FGGY: variants seen among roughly 807,000 people sequenced by gnomAD.
The protein encoded by FGGY is FGGY carbohydrate kinase domain containing, also known as FGGY carbohydrate kinase domain-containing protein.
A neutral mutation model predicts 71.3 loss-of-function variants in FGGY; 72 were observed. The ratio of observed to expected loss-of-function variants is 1.01; its 90% confidence interval spans 0.84 to 1.23. FGGY has a LOEUF of 1.23. FGGY is among the 50% of genes most tolerant of loss of function. The probability of loss-of-function intolerance (pLI) is 0.00; values close to 1 mark genes in which losing one functional copy is unlikely to be tolerated. For synonymous variants in FGGY, 251 were observed against 250.3 expected (o/e 1.00, Z -0.02); for missense variants, 668 against 682.3 (o/e 0.98, Z 0.23).
intron 11 of FGGY, among the ~76,000 whole-genome samples, chr1:59,644,624 C>A (rs547529562): frequency 6.6e-6 from 1 of 151,936 alleles, no homozygotes; most frequent in African/African-American, 2.4e-5. Context: ...CACGCCCCCC[C>A]CCACCCAAAG....
intron 2 of FGGY, among the ~76,000 whole-genome samples, chr1:59,338,180 A>G (rs537174107): frequency 1.3e-5 from 2 of 152,256 alleles, no homozygotes; most frequent in Admixed American, 6.5e-5. Context: ...CATTCCTGGG[A>G]TGACTCCACA....
rs187559773 is a variant in FGGY at position 59,591,815 on chromosome 1, C to A, written c.904-15988C>A. Reference sequence around the variant, plus strand: ...AAGATGGATTAAAGACTTAAACGTTCGACCTAAAACCATAAAAACCCTAGA... The same window carrying A: ...AAGATGGATTAAAGACTTAAACGTTAGACCTAAAACCATAAAAACCCTAGA... On this transcript the variant is annotated intron_variant, in intron 8 of 15. Transcript: ENST00000303721. 1.5e-3 allele frequency among the ~76,000 whole-genome samples: 223 copies of A among 152,148 alleles called. 3 individuals are homozygous for A. The highest frequency in any genetic ancestry group is 3.5e-3 in the African/African-American group (146 of 41,512).
At chr1:59,673,356 C>G (rs530981433) in intron 13 of FGGY, among the ~76,000 whole-genome samples, 1 of 152,120 alleles carries the variant, frequency 6.6e-6, no homozygotes, top group Admixed American at 6.5e-5. Context: ...GTGTTCCAGA[C>G]AGGGAACAGC....
At chr1:59,733,863 A>T in intron 14 of FGGY, among the ~76,000 whole-genome samples, 1 of 152,048 alleles carries the variant, frequency 6.6e-6, no homozygotes, top group East Asian at 1.9e-4. Context: ...TCTCTCCCTA[A>T]CACCCTCATC....
intron 8 of FGGY, among the ~76,000 whole-genome samples, chr1:59,562,497 C>G (rs1481279089): frequency 6.6e-6 from 1 of 152,150 alleles, no homozygotes; most frequent in Non-Finnish European, 1.5e-5. Flanking sequence ...CCTGACTTTG[C>G]CATGTTCCTG....
At chr1:59,745,516 G>A (rs2098188732) in intron 14 of FGGY, among the ~76,000 whole-genome samples, 1 of 152,116 alleles carries the variant, frequency 6.6e-6, no homozygotes, top group African/African-American at 2.4e-5. Flanking sequence ...AATTACTATT[G>A]AAGCAGGCAG....
chr1:59,355,117 C>T (rs1396050666), intron 4 of FGGY, among the ~76,000 whole-genome samples: 1 of 152,222 alleles, frequency 6.6e-6, no homozygotes, highest in Non-Finnish European at 1.5e-5. Flanking sequence ...GGGCTTTAAA[C>T]ATGGGTGTGA....
intron 1 of FGGY, among the ~76,000 whole-genome samples, chr1:59,306,457 C>T (rs2043451788): frequency 6.6e-6 from 1 of 152,208 alleles, no homozygotes; most frequent in Non-Finnish European, 1.5e-5. Context: ...AAGACTGTTA[C>T]ATCCTTAGAC....
At chr1:59,586,058 G>A (rs572952499) in intron 8 of FGGY, among the ~76,000 whole-genome samples, 4 of 152,346 alleles carry the variant, frequency 2.6e-5, no homozygotes, top group East Asian at 3.9e-4. Context: ...TTACACTGTT[G>A]TTGGGACTGT....
chr1:59,488,065 G>A (rs1450580320), intron 6 of FGGY, among the ~76,000 whole-genome samples: 1 of 152,076 alleles, frequency 6.6e-6, no homozygotes, highest in East Asian at 1.9e-4. Context: ...GTATATGCCA[G>A]TGTGTAGTCT....
chr1:59,729,940 A>T (rs2100885551), intron 14 of FGGY, among the ~76,000 whole-genome samples: 1 of 152,230 alleles, frequency 6.6e-6, no homozygotes, highest in South Asian at 2.1e-4. Context: ...TGTTATGGAA[A>T]AACACTGTAA....
At chr1:59,411,022 C>A (rs537619480) in intron 5 of FGGY, among the ~76,000 whole-genome samples, 88 of 152,306 alleles carry the variant, frequency 5.8e-4, no homozygotes, top group African/African-American at 2.1e-3. Flanking sequence ...AGCCAGTTAA[C>A]ATTCACATAA....
chr1:59,696,151 G>A (rs1004197628), intron 14 of FGGY, among the ~76,000 whole-genome samples: 2 of 152,168 alleles, frequency 1.3e-5, no homozygotes, highest in African/African-American at 4.8e-5. Context: ...AATTCCATGG[G>A]CACCAGCAGC....
chr1:59,615,250 T>C (rs1470841685), intron 9 of FGGY, among the ~76,000 whole-genome samples: 1 of 152,126 alleles, frequency 6.6e-6, no homozygotes, highest in African/African-American at 2.4e-5. Context: ...CTTCAAACTA[T>C]ACTACAAGGC....
chr1:59,324,589 T>G (rs2047047033), intron 2 of FGGY, among the ~76,000 whole-genome samples: 1 of 152,196 alleles, frequency 6.6e-6, no homozygotes, highest in South Asian at 2.1e-4. Context: ...AACTACTTTT[T>G]AAGGTAGTTT....
At chr1:59,601,418 A>C (rs72919615) in intron 8 of FGGY, among the ~76,000 whole-genome samples, 2 of 152,188 alleles carry the variant, frequency 1.3e-5, no homozygotes, top group South Asian at 4.1e-4. Flanking sequence ...AGCCAATGGC[A>C]TGCACTCATG....
At chr1:59,692,216 T>C (rs140146893) in intron 14 of FGGY, among the ~76,000 whole-genome samples, 1 of 152,250 alleles carries the variant, frequency 6.6e-6, no homozygotes, top group Non-Finnish European at 1.5e-5. Context: ...CTTCCAACTC[T>C]AAATCTCTGT....
chr1:59,337,048 C>CATATATAT (rs35698016), intron 2 of FGGY, among the ~76,000 whole-genome samples: 5 of 142,062 alleles, frequency 3.5e-5, no homozygotes, highest in African/African-American at 1.3e-4. Context: ...TGTATATAGT[C>CATATATAT]ATATATATAT....
intron 8 of FGGY, among the ~76,000 whole-genome samples, chr1:59,558,341 T>C (rs558102428): frequency 1.3e-5 from 2 of 152,318 alleles, no homozygotes; most frequent in African/African-American, 4.8e-5. Flanking sequence ...AGGTTCTTTC[T>C]ATTTTCCGTA....
Sources: allele counts gnomAD v4.1 joint callset (sites outside exome capture counted in the v4.1 genomes callset), GRCh38; gene constraint gnomAD v4.1.1; transcripts MANE v1.5; gene names NCBI Gene and HGNC (gene_info 2026-07-23, HGNC 2026-07-21).